The following AKAP10 variants were observed in gnomAD, a reference collection of about 807,000 sequenced individuals.
AKAP10 encodes the protein A-kinase anchor protein 10, mitochondrial.
A neutral mutation model predicts 80.8 loss-of-function variants in AKAP10; 24 were observed. That is an observed-to-expected ratio of 0.30 (90% CI 0.22 to 0.42). The LOEUF (loss-of-function observed/expected upper bound fraction) is 0.42, where lower values mean the gene tolerates loss of function less well. Among genes scored for constraint, AKAP10 ranks in the 10% least tolerant of loss-of-function variants. The pLI is 1.00. For missense variants in AKAP10, 661 were observed against 794.9 expected (o/e 0.83, Z 2.03); for synonymous variants, 291 against 277.7 (o/e 1.05, Z -0.48).
Position 19,920,089 on chromosome 17 carries a change from A to T in AKAP10, c.1781T>A (p.Leu594Ter), listed in dbSNP as rs1288933723. 6.2e-7 allele frequency: 1 copy of T among 1,613,308 alleles called. No homozygotes were observed. The highest frequency in any genetic ancestry group is 8.5e-7 in the Non-Finnish European group (1 of 1,179,314). Residue 594 changes from leucine (L) to a stop codon, truncating the protein, a stop_gained, in exon 12 of 15, where the codon TTG becomes TAG. Coordinates refer to ENST00000225737, the MANE Select transcript of AKAP10 (RefSeq NM_007202.4). LOFTEE classifies it high-confidence loss of function. ...GKMTFGRVSD[L>*]GQFIRESEPE... ...CTCAGATTCTCGGATGAATTGCCCC[A>T]AGTCACTGACTCTTCCAAATGTCAT...
intron 8 of AKAP10, among the ~76,000 whole-genome samples, chr17:19,937,583 T>C (rs988982578): frequency 2.6e-5 from 4 of 152,238 alleles, no homozygotes; most frequent in Non-Finnish European, 5.9e-5. Context: ...TCCTATGTTG[T>C]ATTGAGTAAG....
intron 14 of AKAP10, 48 bp downstream of exon 14, chr17:19,909,129 TACAC>T (rs1272096828): frequency 6.7e-7 from 1 of 1,493,850 alleles, no homozygotes; most frequent in Non-Finnish European, 9.1e-7. Context: ...TTTTTATTTT[TACAC>T]CTGGAAAATA....
chr17:19,958,842 CTTTTTTTTTTTTTT>C (rs772496178), intron 3 of AKAP10, among the ~76,000 whole-genome samples: 1 of 92,936 alleles, frequency 1.1e-5, no homozygotes, highest in African/African-American at 3.5e-5. Context: ...CATGTAAATT[CTTTTTTTTTTTTTT>C]TTTTTTTTTT....
chr17:19,944,249 A>C (rs961875978), intron 5 of AKAP10, among the ~76,000 whole-genome samples: 15 of 152,036 alleles, frequency 9.9e-5, no homozygotes, highest in Non-Finnish European at 2.2e-4. Context: ...CTGCCTCCAG[A>C]CTTCTTTCCT....
intron 2 of AKAP10, among the ~76,000 whole-genome samples, chr17:19,966,525 TAAGTTTGTCTTTC>T (rs553170568): frequency 4.6e-4 from 70 of 152,362 alleles, no homozygotes; most frequent in Non-Finnish European, 6.3e-4. Context: ...GTTCTGTGTA[TAAGTTTGTCTTTC>T]TAACCAGACT....
At chr17:19,908,799 C>T (rs563810185) in intron 14 of AKAP10, among the ~76,000 whole-genome samples, 6 of 152,112 alleles carry the variant, frequency 3.9e-5, no homozygotes, top group African/African-American at 1.4e-4. Flanking sequence ...GCCACCACAC[C>T]CGGCTAAGAC....
chr17:19,952,263 A>G (rs1247771839), intron 4 of AKAP10, among the ~76,000 whole-genome samples: 1 of 151,956 alleles, frequency 6.6e-6, no homozygotes, highest in Non-Finnish European at 1.5e-5. Context: ...CAGGAGTTCA[A>G]GACGAGCCTG....
At chr17:19,938,575 T>G (rs985973330) in intron 8 of AKAP10, among the ~76,000 whole-genome samples, 2 of 152,130 alleles carry the variant, frequency 1.3e-5, no homozygotes, top group Admixed American at 6.5e-5. Flanking sequence ...GTGATTCCTA[T>G]GCAGACAGCC....
At chr17:19,916,150 C>T (rs537274316) in intron 12 of AKAP10, among the ~76,000 whole-genome samples, 23 of 152,332 alleles carry the variant, frequency 1.5e-4, no homozygotes, top group Admixed American at 1.1e-3. Context: ...GCCCCCGCTG[C>T]GCTCAGGTCT....
chr17:19,909,107 C>G (rs1023291173), intron 14 of AKAP10, 74 bp downstream of exon 14: 1 of 1,299,662 alleles, frequency 7.7e-7, no homozygotes, highest in African/African-American at 1.5e-5. Flanking sequence ...GCAAAGAAAC[C>G]CCTTATGTTC....
At chr17:19,906,897 G>A (rs1041281025) in intron 14 of AKAP10, among the ~76,000 whole-genome samples, 1 of 152,074 alleles carries the variant, frequency 6.6e-6, no homozygotes, top group Non-Finnish European at 1.5e-5. Flanking sequence ...TTGGGGTTTT[G>A]GTGTCGAATT....
intron 11 of AKAP10, among the ~76,000 whole-genome samples, chr17:19,923,700 G>C (rs2042843295): frequency 6.6e-6 from 1 of 151,738 alleles, no homozygotes; most frequent in Non-Finnish European, 1.5e-5. Context: ...CTAATTTTTT[G>C]TATTTTTAGT....
At chr17:19,964,786 G>T (rs959727893) in intron 2 of AKAP10, among the ~76,000 whole-genome samples, 1 of 152,132 alleles carries the variant, frequency 6.6e-6, no homozygotes, top group Non-Finnish European at 1.5e-5. Context: ...CCAGCTACTT[G>T]GGAGGCTGAG....
intron 1 of AKAP10, among the ~76,000 whole-genome samples, chr17:19,968,748 T>A (rs2043456283): frequency 6.6e-6 from 1 of 152,226 alleles, no homozygotes; most frequent in Admixed American, 6.5e-5. Context: ...CATGTGATCT[T>A]GGACAAGTTA....
rs985236104 is a variant in AKAP10, at chr17:19,958,041, T to C, written c.850A>G (p.Lys284Glu). Reference sequence around the variant, plus strand: ...TTCATTAGTTTTCCTGACAATTCTTTTAGTGGAGAAGCGGGACTATTTCTA... The same window carrying C: ...TTCATTAGTTTTCCTGACAATTCTTCTAGTGGAGAAGCGGGACTATTTCTA... ...ASRNSPASPL[K>E]ELSGKLMKSI... Residue 284 changes from lysine (K) to glutamate (E), a missense_variant, in exon 4 of 15, where the codon AAA becomes GAA. Physicochemically the swap from Lys to Glu is moderately conservative, Grantham distance 56. Transcript: ENST00000225737. The C allele has an allele frequency of 1.9e-6, 3 of 1,612,152 alleles. No homozygotes were observed. The African/African-American group carries it at 4.0e-5, about 22-fold the overall frequency.
At chr17:19,938,259 CAG>C (rs1405010737) in intron 8 of AKAP10, among the ~76,000 whole-genome samples, 16 of 130,936 alleles carry the variant, frequency 1.2e-4, no homozygotes, top group African/African-American at 4.8e-4. Flanking sequence ...TTTTCTGAGA[CAG>C]AGTCTCCCTC....
intron 14 of AKAP10, among the ~76,000 whole-genome samples, chr17:19,906,913 G>A (rs571860813): frequency 6.6e-6 from 1 of 152,228 alleles, no homozygotes; most frequent in South Asian, 2.1e-4. Flanking sequence ...GAATTTCTCT[G>A]ATCTACTAAT....
chr17:19,936,334 G>C lies in AKAP10; in HGVS notation c.1419C>G (p.Pro473=). The part of the protein sequence containing the change: ...SNICREGGPL[P]NCFTTPLRQA... ...GACGTAATGGAGTTGTGAAACAGTT[G>C]GGGAGTGGCCCACCTTCCCTGCAGA... Residue 473 remains proline, a synonymous_variant, in exon 9 of 15, where the codon CCC becomes CCG. Transcript: ENST00000225737. The C allele has an allele frequency of 6.2e-7, 1 of 1,613,878 alleles. No homozygotes were observed. The highest frequency in any genetic ancestry group is 8.5e-7 in the Non-Finnish European group (1 of 1,179,882).
At chr17:19,948,900 G>C (rs1031112907) in intron 4 of AKAP10, among the ~76,000 whole-genome samples, 35 of 152,210 alleles carry the variant, frequency 2.3e-4, no homozygotes, top group African/African-American at 8.4e-4. Context: ...CCGACAGAAT[G>C]CTGCTTAGAA....
Sources: allele counts gnomAD v4.1 joint callset (sites outside exome capture counted in the v4.1 genomes callset), GRCh38; gene constraint gnomAD v4.1.1; transcripts MANE v1.5; gene names NCBI Gene and HGNC (gene_info 2026-07-23, HGNC 2026-07-21).